The following CTNNA2 variants were observed in gnomAD, a reference collection of about 807,000 sequenced individuals.
CTNNA2 encodes catenin alpha-2.
Under a neutral mutation model 101.0 loss-of-function variants are expected in CTNNA2, and 42 were observed. That is an observed-to-expected ratio of 0.42 (90% CI 0.32 to 0.54). CTNNA2 has a LOEUF of 0.54. CTNNA2 is among the 20% of genes least tolerant of loss of function. The pLI is 0.14. For synonymous variants in CTNNA2, 450 were observed against 456.4 expected (o/e 0.99, Z 0.18); for missense variants, 871 against 1,223.1 (o/e 0.71, Z 4.29).
intron 7 of CTNNA2, among the ~76,000 whole-genome samples, chr2:80,100,971 A>G (rs545459634): frequency 6.6e-6 from 1 of 152,336 alleles, no homozygotes; most frequent in African/African-American, 2.4e-5. Context: ...TACCTGCTAT[A>G]AAAACATCCC....
Position 79,744,308 on chromosome 2 carries a change from G to A in CTNNA2, c.103-79G>A, listed in dbSNP as rs375648846. 118 of 1,360,652 alleles carry A rather than the reference G, an allele frequency of 8.7e-5. No homozygotes were observed. In the African/African-American group the frequency reaches 1.4e-3, roughly 16 times the overall value. The allele number at this position is 1,360,652 out of a possible 1,614,324, so 84.3% of individuals were successfully genotyped here. A position where few individuals can be genotyped will look rare whatever the true frequency, so the allele number is the denominator to read the frequency against. On this transcript the variant is annotated intron_variant, in intron 2 of 18. Transcript: ENST00000402739. ...AATCCCATGATTTAATAAACACGGA[G>A]ATTTAGAAATTATGAGATAACATGA...
At chr2:79,386,599 C>T (rs1678108051) in intron 4 of CTNNA2, among the ~76,000 whole-genome samples, 1 of 152,194 alleles carries the variant, frequency 6.6e-6, no homozygotes, top group Non-Finnish European at 1.5e-5. Context: ...TACACTCTGT[C>T]TTATTTACCA....
intron 7 of CTNNA2, among the ~76,000 whole-genome samples, chr2:80,049,462 A>G (rs1349446866): frequency 2.6e-5 from 4 of 152,222 alleles, no homozygotes; most frequent in Non-Finnish European, 4.4e-5. Context: ...GATAGAAATA[A>G]TGAATTCATT....
chr2:79,586,499 G>A (rs573366661), intron 1 of CTNNA2, among the ~76,000 whole-genome samples: 1 of 147,114 alleles, frequency 6.8e-6, no homozygotes, highest in African/African-American at 2.5e-5. Context: ...CTTCTTTTAG[G>A]TGTTTAGGTT....
chr2:80,401,236 A>G (rs1678517351), intron 8 of CTNNA2, among the ~76,000 whole-genome samples: 1 of 152,152 alleles, frequency 6.6e-6, no homozygotes, highest in African/African-American at 2.4e-5. Flanking sequence ...GTAAGCCTGC[A>G]CCACACAGGT....
chr2:79,891,314 G>T (rs1472779541), intron 6 of CTNNA2, among the ~76,000 whole-genome samples: 1 of 152,060 alleles, frequency 6.6e-6, no homozygotes, highest in Non-Finnish European at 1.5e-5. Flanking sequence ...ATCTTCTCAG[G>T]TGATGTATTT....
chr2:79,367,605 C>T (rs1465676018), intron 3 of CTNNA2, among the ~76,000 whole-genome samples: 1 of 152,070 alleles, frequency 6.6e-6, no homozygotes, highest in African/African-American at 2.4e-5. Flanking sequence ...TGTGGTCTGA[C>T]TTTCTTAACT....
chr2:79,551,917 T>G (rs1463327566), intron 1 of CTNNA2, among the ~76,000 whole-genome samples: 1 of 152,122 alleles, frequency 6.6e-6, no homozygotes, highest in Non-Finnish European at 1.5e-5. Context: ...CCTCCAACAT[T>G]GGTGATTATA....
At chr2:79,384,375 CT>C (rs1678073300) in intron 4 of CTNNA2, among the ~76,000 whole-genome samples, 1 of 112,386 alleles carries the variant, frequency 8.9e-6, no homozygotes, top group African/African-American at 3.4e-5. Flanking sequence ...ATGCATATTT[CT>C]TCTCTCTCTC....
intron 4 of CTNNA2, among the ~76,000 whole-genome samples, chr2:79,866,906 T>C (rs141544657): frequency 3.3e-5 from 5 of 152,322 alleles, no homozygotes; most frequent in African/African-American, 1.2e-4. Context: ...ACGTGAGGAT[T>C]GGAGAAGTTA....
At chr2:80,563,895 G>A (rs1693824020) in intron 12 of CTNNA2, among the ~76,000 whole-genome samples, 1 of 152,104 alleles carries the variant, frequency 6.6e-6, no homozygotes, top group Non-Finnish European at 1.5e-5. Flanking sequence ...CTGTCCTAGT[G>A]TTTATATCTG....
chr2:80,200,269 A>G (rs1462806135), intron 7 of CTNNA2, among the ~76,000 whole-genome samples: 1 of 152,174 alleles, frequency 6.6e-6, no homozygotes, highest in Admixed American at 6.5e-5. Flanking sequence ...CTTTCTATAG[A>G]TGAGAAACAG....
At chr2:80,239,206 C>T (rs761370557) in intron 7 of CTNNA2, among the ~76,000 whole-genome samples, 2 of 152,164 alleles carry the variant, frequency 1.3e-5, no homozygotes, top group African/African-American at 2.4e-5. Flanking sequence ...TGAGATACTA[C>T]TTTTGATGTA....
chr2:80,196,463 A>G (rs1706841756), intron 7 of CTNNA2, among the ~76,000 whole-genome samples: 1 of 152,174 alleles, frequency 6.6e-6, no homozygotes, highest in South Asian at 2.1e-4. Context: ...TGTCACAACT[A>G]AGGCCCTATT....
chr2:79,910,006 A>T (rs1685676754), intron 7 of CTNNA2, among the ~76,000 whole-genome samples: 3 of 152,192 alleles, frequency 2.0e-5, no homozygotes, highest in African/African-American at 4.8e-5. Context: ...AATATGGAAC[A>T]GGTGGATGGA....
At chr2:79,590,625 A>C (rs1676784743) in intron 1 of CTNNA2, among the ~76,000 whole-genome samples, 1 of 152,220 alleles carries the variant, frequency 6.6e-6, no homozygotes, top group South Asian at 2.1e-4. Flanking sequence ...TATTAAAAAA[A>C]AACATCAGAT....
At chr2:79,380,401 ATGAATTTG>A (rs1356787557) in intron 4 of CTNNA2, among the ~76,000 whole-genome samples, 1 of 151,564 alleles carries the variant, frequency 6.6e-6, no homozygotes, top group Non-Finnish European at 1.5e-5. Context: ...GGAAGATTTT[ATGAATTTG>A]GCAAACATTA....
At chr2:79,958,578 G>T (rs1308907314) in intron 7 of CTNNA2, among the ~76,000 whole-genome samples, 1 of 152,170 alleles carries the variant, frequency 6.6e-6, no homozygotes, top group Non-Finnish European at 1.5e-5. Flanking sequence ...CAAGGAATTA[G>T]ATTGTTCCCT....
chr2:80,224,180 C>T (rs764324116), intron 7 of CTNNA2, among the ~76,000 whole-genome samples: 8 of 152,182 alleles, frequency 5.3e-5, no homozygotes, highest in Non-Finnish European at 1.2e-4. Flanking sequence ...GAAGGACACT[C>T]TCAACTGCCA....
Sources: allele counts gnomAD v4.1 joint callset (sites outside exome capture counted in the v4.1 genomes callset), GRCh38; gene constraint gnomAD v4.1.1; transcripts MANE v1.5; gene names NCBI Gene and HGNC (gene_info 2026-07-23, HGNC 2026-07-21).